PHLDB2: variants seen among roughly 807,000 people sequenced by gnomAD.
PHLDB2 encodes pleckstrin homology like domain family B member 2.
Under a neutral mutation model 123.6 loss-of-function variants are expected in PHLDB2, and 71 were observed. That is an observed-to-expected ratio of 0.57 (90% CI 0.47 to 0.70). The LOEUF (loss-of-function observed/expected upper bound fraction) is 0.70, where lower values mean the gene tolerates loss of function less well. Ranked by LOEUF, PHLDB2 falls within the 30% of genes least tolerant of loss-of-function variation. The pLI, the probability that PHLDB2 is intolerant of heterozygous loss-of-function variation, is 0.00. For missense variants in PHLDB2, 1,446 were observed against 1,519.5 expected (o/e 0.95, Z 0.80); for synonymous variants, 547 against 541.6 (o/e 1.01, Z -0.14).
chr3:111,963,222 A>C (rs2071530301), intron 13 of PHLDB2, among the ~76,000 whole-genome samples: 1 of 152,006 alleles, frequency 6.6e-6, no homozygotes, highest in Non-Finnish European at 1.5e-5. Flanking sequence ...GTCCAGCCCA[A>C]CTCCCGTTCA....
At chr3:111,966,760 G>A (rs774856) in intron 14 of PHLDB2, 57 bp downstream of exon 14, 205,462 of 1,388,800 alleles carry the variant, frequency 0.15, 16,897 homozygotes, top group African/African-American at 0.3. Flanking sequence ...GGAGCCCTGC[G>A]CTTGGCATCA....
intron 1 of PHLDB2, among the ~76,000 whole-genome samples, chr3:111,747,640 GT>G (rs1334679744): frequency 6.6e-6 from 1 of 152,022 alleles, no homozygotes; most frequent in Non-Finnish European, 1.5e-5. Flanking sequence ...CTCTGACTAT[GT>G]TTCCCAGGAA....
Position 111,884,591 on chromosome 3 carries a change from G to A in PHLDB2, c.514G>A (p.Ala172Thr), listed in dbSNP as rs1247384452. The A allele has an allele frequency of 6.2e-7, 1 of 1,614,170 alleles. No homozygotes were observed. The highest frequency in any genetic ancestry group is 1.3e-5 in the African/African-American group (1 of 75,054). ...TCTTGGAGGGCTGGAAGGTCGGAAG[G>A]CATCTGGCTCGCTCCTGGCCATGTG... ...YSLGGLEGRK[A>T]SGSLLAMWNG... Residue 172 changes from alanine to threonine, a missense_variant, in exon 2 of 18, where the codon GCA becomes ACA. Around this residue, in one of 3 missense-constraint regions of PHLDB2, gnomAD observed 832 missense variants for 831.9 expected, o/e 1.00. Transcript: ENST00000431670.
intron 13 of PHLDB2, among the ~76,000 whole-genome samples, 172 bp downstream of exon 13, chr3:111,962,484 C>CT (rs1476175998): frequency 2.0e-5 from 3 of 152,196 alleles, no homozygotes; most frequent in African/African-American, 7.2e-5. Flanking sequence ...AGTAGTTTCT[C>CT]TTATCTTGTG....
chr3:111,916,004 A>T (rs746542262), intron 3 of PHLDB2: 1 of 152,126 alleles, frequency 6.6e-6, no homozygotes, highest in African/African-American at 2.4e-5. Flanking sequence ...ATCTTCCTTT[A>T]TGGAGATCTG....
chr3:111,948,224 T>A lies in PHLDB2; in HGVS notation c.2488-708T>A, dbSNP rs774744. Among the ~76,000 whole-genome samples, 17 of 151,944 alleles carry A rather than the reference T, an allele frequency of 1.1e-4. No individual in the cohort carries two copies. In the South Asian group the frequency reaches 3.3e-3, roughly 30 times the overall value. ...TGCCTTGAATTGAAACATACCCTGG[T>A]TGCAACTCTACCTTAGGACTCCGTG... is the stretch of plus-strand genomic sequence containing the variant. On this transcript the variant is annotated intron_variant, in intron 9 of 17. Transcript: ENST00000431670.
At chr3:111,954,364 A>T (rs1182402294) in intron 12 of PHLDB2, among the ~76,000 whole-genome samples, 1 of 152,168 alleles carries the variant, frequency 6.6e-6, no homozygotes, top group Non-Finnish European at 1.5e-5. Context: ...CTTAACCAAG[A>T]TCACTCACCT....
intron 1 of PHLDB2, among the ~76,000 whole-genome samples, chr3:111,841,466 C>G (rs2063690512): frequency 6.6e-6 from 1 of 152,202 alleles, no homozygotes; most frequent in Admixed American, 6.5e-5. Context: ...AAGGTTGCAT[C>G]AAGATTGTAG....
chr3:111,950,555 G>T (rs2070646285), intron 10 of PHLDB2, among the ~76,000 whole-genome samples: 1 of 152,062 alleles, frequency 6.6e-6, no homozygotes, highest in Non-Finnish European at 1.5e-5. Flanking sequence ...TTTATTCTAA[G>T]TGTTGCCTTC....
chr3:111,742,302 C>A (rs1021019413), intron 1 of PHLDB2, among the ~76,000 whole-genome samples: 3 of 151,994 alleles, frequency 2.0e-5, no homozygotes, highest in Non-Finnish European at 4.4e-5. Flanking sequence ...TTCCATTGTT[C>A]TTTTATATAT....
chr3:111,818,404 C>T (rs1576723411), intron 1 of PHLDB2, among the ~76,000 whole-genome samples: 1 of 152,154 alleles, frequency 6.6e-6, no homozygotes, highest in African/African-American at 2.4e-5. Flanking sequence ...TCTTCCCTAA[C>T]ATGGGCTATT....
chr3:111,884,416 C>T lies in PHLDB2; in HGVS notation c.339C>T (p.Asn113=). Residue 113 remains asparagine (N), a synonymous_variant, in exon 2 of 18, where the codon AAC becomes AAT. Transcript: ENST00000431670. ...IPMKPPTPLL[N]TTSSLSGYPL... is the part of the protein sequence containing the mutation. ...TGAAACCTCCAACTCCTTTACTCAA[C>T]ACTACATCCTCCCTCAGTGGATATC... 1.2e-6 allele frequency: 2 copies of T among 1,614,194 alleles called. No individual in the cohort carries two copies. The highest frequency in any genetic ancestry group is 1.7e-6 in the Non-Finnish European group (2 of 1,180,022).
At chr3:111,911,864 A>T (rs1235262675) in intron 2 of PHLDB2, 3 of 731,222 alleles carry the variant, frequency 4.1e-6, no homozygotes, top group Non-Finnish European at 6.9e-6. Flanking sequence ...TGAGTAATGT[A>T]TTTAATGGAA....
At chr3:111,968,111 G>A (rs1577224095) in intron 15 of PHLDB2, among the ~76,000 whole-genome samples, 1 of 151,898 alleles carries the variant, frequency 6.6e-6, no homozygotes, top group East Asian at 1.9e-4. Context: ...CCATTCCTTG[G>A]AGTACATTTT....
chr3:111,799,718 A>C (rs1446985199), intron 1 of PHLDB2, among the ~76,000 whole-genome samples: 1 of 152,188 alleles, frequency 6.6e-6, no homozygotes, highest in Non-Finnish European at 1.5e-5. Flanking sequence ...TCCTATGTGA[A>C]GATATCTATT....
chr3:111,737,471 C>A (rs573730583), intron 1 of PHLDB2, among the ~76,000 whole-genome samples: 1 of 152,126 alleles, frequency 6.6e-6, no homozygotes, highest in Non-Finnish European at 1.5e-5. Context: ...AAAACTTGTT[C>A]CCCTCCTCTC....
At chr3:111,937,419 GA>G (rs2107590062) in intron 6 of PHLDB2, among the ~76,000 whole-genome samples, 2 of 152,272 alleles carry the variant, frequency 1.3e-5, no homozygotes, top group African/African-American at 4.8e-5. Flanking sequence ...GTAGAGCTGT[GA>G]GCCACAGAGC....
chr3:111,780,412 A>AAGAAG lies in PHLDB2; in HGVS notation c.-49+47710_-49+47711insGAAGA, dbSNP rs1326616017. ...AGAAGAAGAAGAAGAAGAAGAAGAA[A>AAGAAG]AAGATTAGTTCGGCCCAACTTTCTG... On this transcript the variant is annotated intron_variant, in intron 1 of 17. Transcript: ENST00000393923. Among the ~76,000 whole-genome samples the AAGAAG allele has an allele frequency of 2.8e-4, 33 of 116,776 alleles. 2 individuals carry two copies. Among genetic ancestry groups the AAGAAG allele is most frequent in the African/African-American group, 7.5e-4 (22 of 29,224 alleles). 76.6% of individuals were successfully genotyped at this position (116,776 alleles called of 152,430 possible). A position where few individuals can be genotyped will look rare whatever the true frequency, so the allele number is the denominator to read the frequency against.
chr3:111,853,124 A>G (rs1012109911), intron 2 of PHLDB2, among the ~76,000 whole-genome samples: 28 of 152,200 alleles, frequency 1.8e-4, no homozygotes, highest in African/African-American at 6.5e-4. Flanking sequence ...TAGAGAATGT[A>G]TAGTAAAAAC....
Sources: gnomAD v4.1 joint callset for allele counts (sites outside exome capture counted in the v4.1 genomes callset) on GRCh38, gnomAD v4.1.1 for gene constraint, gnomAD v4.1.1 regional missense constraint, MANE v1.5 for transcripts, NCBI Gene and HGNC (gene_info 2026-07-23, HGNC 2026-07-21) for gene names.